FBN1: variants seen among roughly 807,000 people sequenced by gnomAD.
FBN1 encodes fibrillin 1.
A neutral mutation model predicts 365.1 loss-of-function variants in FBN1; 29 were observed. The observed-to-expected ratio is 0.08, with a 90% CI of 0.06 to 0.11. The LOEUF (loss-of-function observed/expected upper bound fraction) is 0.11, where lower values mean the gene tolerates loss of function less well. Ranked by LOEUF, FBN1 falls within the 10% of genes least tolerant of loss-of-function variation. The pLI, the probability that FBN1 is intolerant of heterozygous loss-of-function variation, is 1.00. For synonymous variants in FBN1, 1,210 were observed against 1,270.5 expected (o/e 0.95, Z 1.01); for missense variants, 2,476 against 3,703.2 (o/e 0.67, Z 8.60).
rs771050088 is a variant in FBN1, at chr15:48,497,268, A to G, written c.2291T>C (p.Val764Ala). ...AGAAAATGGGTAAAACTTCTCACCA[A>G]CGCAGTTTTTCCCAGTTGAATCCAC... ...YEVDSTGKNC[V>A]DINECVLNSL... is the part of the protein sequence containing the mutation. The change falls in exon 19 of 66, where the codon GTT becomes GCT. Residue 764 changes from valine (V) to alanine (A), a missense_variant and splice_region_variant. Transcript: ENST00000316623. 1 of 1,614,074 alleles carries G rather than the reference A, an allele frequency of 6.2e-7. No homozygotes were observed. Among genetic ancestry groups the G allele is most frequent in the Non-Finnish European group, 8.5e-7 (1 of 1,179,980 alleles).
intron 62 of FBN1, 119 bp from the exon 63 acceptor site, chr15:48,420,925 T>TC (rs1323046560): frequency 1.2e-5 from 13 of 1,122,908 alleles, no homozygotes; most frequent in Non-Finnish European, 1.6e-5. Flanking sequence ...ACCAAAAACT[T>TC]CAAGAATCTC....
At chr15:48,513,744 T>C in intron 12 of FBN1, 76 bp from the exon 13 acceptor site, 1 of 1,533,176 alleles carries the variant, frequency 6.5e-7, no homozygotes, top group East Asian at 2.3e-5. Flanking sequence ...GGGTTCCTTT[T>C]ATACATATAA....
intron 32 of FBN1, among the ~76,000 whole-genome samples, chr15:48,478,672 G>A (rs766044483): frequency 3.3e-5 from 5 of 152,150 alleles, no homozygotes; most frequent in Non-Finnish European, 5.9e-5. Context: ...GAAGAGCTGT[G>A]TTCTGCGTTT....
intron 2 of FBN1, among the ~76,000 whole-genome samples, chr15:48,629,726 T>C (rs991077729): frequency 1.2e-4 from 18 of 152,240 alleles, no homozygotes; most frequent in Non-Finnish European, 1.5e-5. Flanking sequence ...ATCATCATTG[T>C]ATCCTTCTTG....
chr15:48,623,731 A>G (rs1288211988), intron 2 of FBN1, among the ~76,000 whole-genome samples: 1 of 152,192 alleles, frequency 6.6e-6, no homozygotes, highest in Non-Finnish European at 1.5e-5. Flanking sequence ...GCTTGGATGA[A>G]GGCTTTTCCC....
At chr15:48,422,194 C>G in intron 60 of FBN1, 126 bp from the exon 61 acceptor site, 1 of 719,106 alleles carries the variant, frequency 1.4e-6, no homozygotes, top group Non-Finnish European at 2.5e-6. Context: ...AAAGAAGCCA[C>G]AGCAAAAGGC....
chr15:48,431,190 C>T (rs555259511), intron 55 of FBN1, among the ~76,000 whole-genome samples: 1 of 151,996 alleles, frequency 6.6e-6, no homozygotes, highest in South Asian at 2.1e-4. Context: ...CTCTGCCTCC[C>T]GGGTTCAAGT....
chr15:48,584,851 CTG>C (rs1458099529), intron 6 of FBN1, among the ~76,000 whole-genome samples: 1 of 152,186 alleles, frequency 6.6e-6, no homozygotes, highest in African/African-American at 2.4e-5. Flanking sequence ...CATTAAGATA[CTG>C]TGGATGCTTC....
chr15:48,640,783 A>G (rs1350738935), intron 2 of FBN1, among the ~76,000 whole-genome samples: 2 of 152,246 alleles, frequency 1.3e-5, no homozygotes, highest in Non-Finnish European at 2.9e-5. Flanking sequence ...CTCACTGTGA[A>G]GAACTTTTCC....
intron 6 of FBN1, among the ~76,000 whole-genome samples, chr15:48,572,150 A>G (rs1248093026): frequency 2.0e-5 from 3 of 152,092 alleles, no homozygotes. Flanking sequence ...TTCTAAATTA[A>G]AAAAAATACT....
intron 7 of FBN1, among the ~76,000 whole-genome samples, chr15:48,536,278 C>T (rs954580700): frequency 1.3e-5 from 2 of 152,110 alleles, no homozygotes; most frequent in Non-Finnish European, 2.9e-5. Context: ...AAACAGGAAG[C>T]AAATGCTGGA....
At chr15:48,449,208 C>A (rs1377346126) in intron 45 of FBN1, among the ~76,000 whole-genome samples, 1 of 152,204 alleles carries the variant, frequency 6.6e-6, no homozygotes, top group Non-Finnish European at 1.5e-5. Flanking sequence ...GCCTACGCAG[C>A]ACCACAGACT....
At chr15:48,434,953 C>T (rs902743236) in intron 53 of FBN1, among the ~76,000 whole-genome samples, 8 of 152,138 alleles carry the variant, frequency 5.3e-5, no homozygotes, top group East Asian at 1.9e-4. Flanking sequence ...CACATCACCA[C>T]GCTCAGGTAA....
chr15:48,503,749 G>A, intron 17 of FBN1, 38 bp downstream of exon 17: 1 of 1,612,504 alleles, frequency 6.2e-7, no homozygotes, highest in Non-Finnish European at 8.5e-7. Context: ...GGTGGCAGAA[G>A]GCTGGCAGTA....
At chr15:48,435,566 G>T (rs1244540252) in intron 53 of FBN1, among the ~76,000 whole-genome samples, 1 of 151,908 alleles carries the variant, frequency 6.6e-6, no homozygotes, top group African/African-American at 2.4e-5. Flanking sequence ...AAACCAGATG[G>T]TTTACATTAG....
chr15:48,433,090 C>T lies in FBN1; in HGVS notation c.6617-102G>A, dbSNP rs2043036879. ...TAAAACTTTACCAAAAGTTGCAATG[C>T]TTCATTGTCATAAACATGGATGGAT... On this transcript the variant is annotated intron_variant, in intron 54 of 65. Coordinates refer to ENST00000316623, the MANE Select transcript of FBN1 (RefSeq NM_000138.5). 3.9e-6 allele frequency: 5 copies of T among 1,265,830 alleles called. No homozygotes were observed. In the Admixed American group the frequency reaches 5.3e-5, roughly 13 times the overall value. 78.4% of individuals were successfully genotyped at this position (1,265,830 alleles called of 1,614,324 possible).
chr15:48,524,797 AC>A (rs1272633467), intron 9 of FBN1, among the ~76,000 whole-genome samples: 1 of 152,220 alleles, frequency 6.6e-6, no homozygotes, highest in Non-Finnish European at 1.5e-5. Context: ...TGTGAAATGA[AC>A]ATCAAGTCAG....
At chr15:48,518,875 C>T (rs144843994) in intron 10 of FBN1, among the ~76,000 whole-genome samples, 1 of 152,152 alleles carries the variant, frequency 6.6e-6, no homozygotes, top group Non-Finnish European at 1.5e-5. Context: ...AGTTATTTTG[C>T]TCTATAAATC....
chr15:48,422,038 T>C lies in FBN1; in HGVS notation c.7484A>G (p.Asn2495Ser), dbSNP rs1252037822. ...GGTGTTAACACATAGGAACTGGCAG[T>C]TGTGTTGCTTGGTTGCACACTCATC... ...DLDECATKQH[N>S]CQFLCVNTIG... The change falls in exon 61 of 66, where the codon AAC becomes AGC. Residue 2495 changes from asparagine to serine, a missense_variant. By Grantham distance (46) the Asn-to-Ser change is conservative. Coordinates refer to ENST00000316623, the MANE Select transcript of FBN1 (RefSeq NM_000138.5). The C allele has an allele frequency of 6.2e-7, 1 of 1,614,030 alleles. No homozygotes were observed. Among genetic ancestry groups the C allele is most frequent in the African/African-American group, 1.3e-5 (1 of 75,042 alleles).
Sources: gnomAD v4.1 joint callset for allele counts (sites outside exome capture counted in the v4.1 genomes callset) on GRCh38, gnomAD v4.1.1 for gene constraint, MANE v1.5 for transcripts, NCBI Gene and HGNC (gene_info 2026-07-23, HGNC 2026-07-21) for gene names.